Variants in ANO3 observed in about 807,000 individuals in gnomAD.
ANO3 encodes anoctamin-3.
In ANO3, 99 loss-of-function variants were observed where a neutral mutation model predicts 144.8. That is an observed-to-expected ratio of 0.68 (90% CI 0.58 to 0.81). The LOEUF is 0.81. Ranked by LOEUF, ANO3 falls within the 30% of genes least tolerant of loss-of-function variation. The pLI is 0.00. For synonymous variants in ANO3, 414 were observed against 392.6 expected, an observed-to-expected ratio of 1.05 and a Z score of -0.64; for missense variants, 905 against 1,202.2, an observed-to-expected ratio of 0.75 and a Z score of 3.66.
intron 1 of ANO3, among the ~76,000 whole-genome samples, chr11:26,367,824 G>C (rs573195528): frequency 9.8e-4 from 150 of 152,320 alleles, no homozygotes; most frequent in African/African-American, 3.1e-3. Context: ...AGGGGAAACA[G>C]ATATGCCACA....
At chr11:26,650,117 C>T (rs1193021432) in intron 24 of ANO3, among the ~76,000 whole-genome samples, 1 of 152,234 alleles carries the variant, frequency 6.6e-6, no homozygotes, top group East Asian at 1.9e-4. Context: ...ATGTGGAGGG[C>T]TTATGTTACA....
intron 1 of ANO3, among the ~76,000 whole-genome samples, chr11:26,235,012 G>GAGAGAGAGAGAGAGAGAGAGAGAGAA (rs771922780): frequency 4.0e-5 from 6 of 151,792 alleles, no homozygotes; most frequent in Non-Finnish European, 7.4e-5. Flanking sequence ...AAGAGAGAGA[G>GAGAGAGAGAGAGAGAGAGAGAGAGAA]AGAGAGAGAG....
At chr11:26,258,117 T>A (rs918244422) in intron 1 of ANO3, among the ~76,000 whole-genome samples, 4 of 152,126 alleles carry the variant, frequency 2.6e-5, no homozygotes, top group Admixed American at 1.3e-4. Flanking sequence ...TCCATACTAA[T>A]GTCAGATTTC....
At chr11:26,539,429 T>TA (rs934709948) in intron 10 of ANO3, among the ~76,000 whole-genome samples, 7 of 152,112 alleles carry the variant, frequency 4.6e-5, no homozygotes, top group African/African-American at 1.4e-4. Flanking sequence ...AGAGCAGAGT[T>TA]AAAAAAAGAT....
chr11:26,527,496 T>A (rs1037305646), intron 7 of ANO3, among the ~76,000 whole-genome samples: 1 of 152,106 alleles, frequency 6.6e-6, no homozygotes, highest in Non-Finnish European at 1.5e-5. Flanking sequence ...TATAAAATTA[T>A]ATAACATTAA....
At chr11:26,563,363 T>G (rs1272479916) in intron 14 of ANO3, 2 of 1,242,052 alleles carry the variant, frequency 1.6e-6, no homozygotes, top group African/African-American at 1.5e-5. Context: ...ATGTTTAACA[T>G]TTTAAAATTA....
At chr11:26,294,242 G>T (rs966820626) in intron 1 of ANO3, among the ~76,000 whole-genome samples, 2 of 152,026 alleles carry the variant, frequency 1.3e-5, no homozygotes, top group East Asian at 1.9e-4. Context: ...TCATATTTTC[G>T]ACATGAATTC....
intron 1 of ANO3, among the ~76,000 whole-genome samples, chr11:26,282,743 G>T (rs1358459726): frequency 6.6e-6 from 1 of 152,046 alleles, no homozygotes; most frequent in Non-Finnish European, 1.5e-5. Flanking sequence ...GAAGATTCAG[G>T]TTTCATGAAG....
At chr11:26,473,767 T>G (rs1859863525) in intron 4 of ANO3, 1 of 169,120 alleles carries the variant, frequency 5.9e-6, no homozygotes, top group Non-Finnish European at 1.2e-5. Context: ...TAAATGTCAC[T>G]TAGGTGACTC....
At chr11:26,206,899 A>G (rs933074740) in intron 1 of ANO3, among the ~76,000 whole-genome samples, 1 of 152,224 alleles carries the variant, frequency 6.6e-6, no homozygotes. Context: ...GAAATGTAGT[A>G]CCCAGAGAAA....
upstream of ANO3, among the ~76,000 whole-genome samples, chr11:26,328,709 T>G (rs1261154390): frequency 6.6e-6 from 1 of 151,662 alleles, no homozygotes; most frequent in Non-Finnish European, 1.5e-5. Flanking sequence ...AGCAGAAACA[T>G]GAAGGGGAAC....
At chr11:26,648,346 ATCCTGTC>A (rs1590675972) in intron 24 of ANO3, among the ~76,000 whole-genome samples, 1 of 152,088 alleles carries the variant, frequency 6.6e-6, no homozygotes, top group East Asian at 1.9e-4. Flanking sequence ...GACGCAAAAA[ATCCTGTC>A]TCCCATGTAT....
chr11:26,533,588 T>G (rs1047478941), intron 8 of ANO3, among the ~76,000 whole-genome samples: 11 of 151,854 alleles, frequency 7.2e-5, no homozygotes, highest in African/African-American at 2.4e-4. Flanking sequence ...AGTAAGGGAG[T>G]GCTCTGAAAA....
At chr11:26,236,469 T>A (rs1323327813) in intron 1 of ANO3, among the ~76,000 whole-genome samples, 1 of 152,148 alleles carries the variant, frequency 6.6e-6, no homozygotes, top group African/African-American at 2.4e-5. Context: ...TTAAAAGAAA[T>A]ATATGTGTAT....
chr11:26,551,382 C>G (rs1315251833), intron 12 of ANO3, among the ~76,000 whole-genome samples: 1 of 151,828 alleles, frequency 6.6e-6, no homozygotes, highest in Non-Finnish European at 1.5e-5. Flanking sequence ...GGAACTCTCT[C>G]TCCCTCTAGT....
intron 1 of ANO3, among the ~76,000 whole-genome samples, chr11:26,254,973 G>A (rs556674226): frequency 1.3e-5 from 2 of 152,260 alleles, no homozygotes; most frequent in South Asian, 4.1e-4. Context: ...ATAAGTTGCT[G>A]AAATTGAGTG....
intron 22 of ANO3, 88 bp downstream of exon 22, chr11:26,642,117 T>C: frequency 6.9e-7 from 1 of 1,450,592 alleles, no homozygotes; most frequent in Non-Finnish European, 9.4e-7. Flanking sequence ...GAGAAAATTA[T>C]CTCTTTCCTT....
chr11:26,409,852 C>A (rs1379476749), intron 1 of ANO3, among the ~76,000 whole-genome samples: 3 of 151,692 alleles, frequency 2.0e-5, no homozygotes, highest in Non-Finnish European at 4.4e-5. Flanking sequence ...GCTAAGATAC[C>A]CTTTACAGAC....
At chr11:26,458,310 T>C (rs1338800326) in intron 3 of ANO3, among the ~76,000 whole-genome samples, 3 of 152,134 alleles carry the variant, frequency 2.0e-5, no homozygotes, top group Admixed American at 6.6e-5. Flanking sequence ...ACTGTCTCCA[T>C]TGTTGCTCTC....
Sources: gnomAD v4.1 joint callset for allele counts (sites outside exome capture counted in the v4.1 genomes callset) on GRCh38, gnomAD v4.1.1 for gene constraint, MANE v1.5 for transcripts, NCBI Gene and HGNC (gene_info 2026-07-23, HGNC 2026-07-21) for gene names.